Variants in STIM1 observed in about 807,000 individuals in gnomAD.
The protein encoded by STIM1 is stromal interaction molecule 1.
Under a neutral mutation model 74.7 loss-of-function variants are expected in STIM1, and 25 were observed. The observed-to-expected ratio is 0.33, with a 90% CI of 0.24 to 0.47. The LOEUF (loss-of-function observed/expected upper bound fraction) is 0.47. Among genes scored for constraint, STIM1 ranks in the 20% least tolerant of loss-of-function variants. The pLI is 1.00. For missense variants in STIM1, 728 were observed against 920.8 expected (o/e 0.79, Z 2.71); for synonymous variants, 328 against 348.8 (o/e 0.94, Z 0.66).
rs761654472 is a variant in STIM1 at position 4,082,862 on chromosome 11, TG to T, written c.1138-15del. 44 of 1,605,906 alleles carry T rather than the reference TG, an allele frequency of 2.7e-5. No individual in the cohort carries two copies. Among genetic ancestry groups the T allele is most frequent in the Non-Finnish European group, 3.7e-5 (43 of 1,172,670 alleles). The stretch of plus-strand genomic sequence containing the variant: ...TCTCGAATCCCTGCTCTTTTTGAGC[TG>T]GGGGCCTCATCTTTGCAGGCTGAGA... On this transcript the variant is annotated intron_variant, in intron 8 of 12. Transcript: ENST00000526596.
At chr11:4,005,293 T>C (rs1213422283) in intron 2 of STIM1, among the ~76,000 whole-genome samples, 1 of 152,226 alleles carries the variant, frequency 6.6e-6, no homozygotes, top group Non-Finnish European at 1.5e-5. Context: ...CGTATGTTTA[T>C]TGTGGCAGTA....
intron 3 of STIM1, among the ~76,000 whole-genome samples, chr11:4,032,717 T>G (rs2094061780): frequency 6.6e-6 from 1 of 152,230 alleles, no homozygotes; most frequent in African/African-American, 2.4e-5. Flanking sequence ...TCTTTCACAT[T>G]TAGAACTTTC....
chr11:4,055,787 A>C, intron 4 of STIM1, 150 bp downstream of exon 4: 1 of 615,992 alleles, frequency 1.6e-6, no homozygotes, highest in Non-Finnish European at 2.9e-6. Flanking sequence ...TCTGTTGTGC[A>C]CTTGCTATAA....
Position 3,856,135 on chromosome 11 carries a change from C to T in STIM1, c.-136C>T, listed in dbSNP as rs1303129729. ...CTTTGGCTGTTGGAGGGGGCAGGCT[C>T]GCGGGTGGCTGGACAGCTGCGGAGC... On this transcript the variant is annotated 5_prime_UTR_variant, in exon 1 of 13. Coordinates refer to ENST00000526596, the MANE Select transcript of STIM1 (RefSeq NM_001382567.1). 2.5e-6 allele frequency: 3 copies of T among 1,195,804 alleles called. No individual in the cohort carries two copies. The highest frequency in any genetic ancestry group is 2.4e-5 in the East Asian group (1 of 41,944). The allele number at this position is 1,195,804 out of a possible 1,614,324, so 74.1% of individuals were successfully genotyped here. A position where few individuals can be genotyped will look rare whatever the true frequency, so the allele number is the denominator to read the frequency against.
chr11:4,012,366 C>T (rs568182947), intron 2 of STIM1, among the ~76,000 whole-genome samples: 5 of 152,214 alleles, frequency 3.3e-5, no homozygotes, highest in South Asian at 2.1e-4. Flanking sequence ...GCATGGAATG[C>T]TCTTCCATTT....
chr11:4,063,070 T>G (rs954374634), intron 5 of STIM1, among the ~76,000 whole-genome samples: 7 of 151,988 alleles, frequency 4.6e-5, no homozygotes, highest in Admixed American at 4.6e-4. Context: ...CACAAATCCA[T>G]AGAGACAGAA....
intron 2 of STIM1, 49 bp from the exon 3 acceptor site, chr11:4,023,824 G>T (rs762508161): frequency 6.8e-7 from 1 of 1,468,270 alleles, no homozygotes; most frequent in Non-Finnish European, 9.5e-7. Context: ...AGATCTTGAC[G>T]GGCTGACTCC....
chr11:3,935,010 A>C (rs2092915759), intron 1 of STIM1, among the ~76,000 whole-genome samples: 1 of 152,248 alleles, frequency 6.6e-6, no homozygotes, highest in Non-Finnish European at 1.5e-5. Context: ...CTGTAATAGC[A>C]GCTGAAAGGG....
At chr11:3,940,774 G>C (rs2092995537) in intron 1 of STIM1, among the ~76,000 whole-genome samples, 1 of 152,176 alleles carries the variant, frequency 6.6e-6, no homozygotes, top group Non-Finnish European at 1.5e-5. Flanking sequence ...GTCAATCTAG[G>C]GGGAGTGGAG....
At chr11:4,087,691 A>G (rs559753055) in intron 12 of STIM1, among the ~76,000 whole-genome samples, 3 of 151,780 alleles carry the variant, frequency 2.0e-5, no homozygotes, top group Non-Finnish European at 4.4e-5. Context: ...GAAGTGGAAG[A>G]CTACAGGAAT....
chr11:4,073,059 T>TTTG (rs2094414785), intron 6 of STIM1, among the ~76,000 whole-genome samples: 1 of 149,806 alleles, frequency 6.7e-6, no homozygotes, highest in Non-Finnish European at 1.5e-5. Context: ...TTTTTTTTTT[T>TTTG]TTTTTTTTTT....
chr11:3,924,032 G>A (rs1237672392), intron 1 of STIM1, among the ~76,000 whole-genome samples: 1 of 151,792 alleles, frequency 6.6e-6, no homozygotes, highest in Non-Finnish European at 1.5e-5. Flanking sequence ...ATTAGAGTCA[G>A]GGTCTCACTA....
intron 2 of STIM1, among the ~76,000 whole-genome samples, chr11:3,988,092 A>G (rs973720026): frequency 6.6e-6 from 1 of 152,172 alleles, no homozygotes; most frequent in African/African-American, 2.4e-5. Flanking sequence ...ATGGAGTCCT[A>G]GAGGTTTTCC....
intron 1 of STIM1, among the ~76,000 whole-genome samples, chr11:3,875,243 G>A (rs1590515374): frequency 6.6e-6 from 1 of 152,164 alleles, no homozygotes; most frequent in Non-Finnish European, 1.5e-5. Flanking sequence ...GCCTACCAGT[G>A]TATGTCACTT....
intron 1 of STIM1, among the ~76,000 whole-genome samples, chr11:3,880,989 TG>T (rs2091476796): frequency 1.3e-5 from 2 of 151,272 alleles, no homozygotes; most frequent in African/African-American, 4.9e-5. Flanking sequence ...GGCTGCAGGA[TG>T]GGAGAGCAGG....
At chr11:4,066,848 A>G (rs927913136) in intron 5 of STIM1, among the ~76,000 whole-genome samples, 8 of 152,184 alleles carry the variant, frequency 5.3e-5, no homozygotes, top group African/African-American at 1.9e-4. Context: ...AAGAATGGGA[A>G]TGGGATTATA....
intron 3 of STIM1, among the ~76,000 whole-genome samples, chr11:4,047,297 T>C (rs534890984): frequency 1.5e-3 from 225 of 151,970 alleles, no homozygotes; most frequent in Non-Finnish European, 2.4e-3. Flanking sequence ...CTGGGCAGCA[T>C]TGGGAGACCC....
chr11:3,972,783 A>C (rs2093409088), intron 2 of STIM1: 4 of 451,128 alleles, frequency 8.9e-6, no homozygotes, highest in African/African-American at 4.0e-5. Flanking sequence ...TCTTCTGCTA[A>C]GTATTTTTCT....
At chr11:3,966,469 CG>C (rs1430360777) in intron 1 of STIM1, among the ~76,000 whole-genome samples, 14 of 152,210 alleles carry the variant, frequency 9.2e-5, no homozygotes, top group African/African-American at 3.4e-4. Flanking sequence ...TTCTAAAAGG[CG>C]TCACAACCAC....
Sources: gnomAD v4.1 joint callset for allele counts (sites outside exome capture counted in the v4.1 genomes callset) on GRCh38, gnomAD v4.1.1 for gene constraint, MANE v1.5 for transcripts, NCBI Gene and HGNC (gene_info 2026-07-23, HGNC 2026-07-21) for gene names.